Variants in RAC1 observed in about 807,000 individuals in gnomAD.
RAC1 encodes ras-related C3 botulinum toxin substrate 1.
Under a neutral mutation model 25.2 loss-of-function variants are expected in RAC1, and 2 were observed. The observed-to-expected ratio is 0.08, with a 90% CI of 0.03 to 0.25. The LOEUF (loss-of-function observed/expected upper bound fraction) is 0.25, where lower values mean the gene tolerates loss of function less well. Among genes scored for constraint, RAC1 ranks in the 10% least tolerant of loss-of-function variants. RAC1 has a pLI of 1.00. For synonymous variants in RAC1, 88 were observed against 94.0 expected (o/e 0.94, Z 0.37); for missense variants, 50 against 235.7 (o/e 0.21, Z 5.16).
chr7:6,377,957 C>G (rs1309206036), intron 1 of RAC1, among the ~76,000 whole-genome samples: 2 of 152,002 alleles, frequency 1.3e-5, no homozygotes, highest in Non-Finnish European at 1.5e-5. Context: ...CTGCTTTGAC[C>G]CTTTGCCTGG....
intron 1 of RAC1, 113 bp from the exon 2 acceptor site, chr7:6,387,099 G>A: frequency 1.5e-6 from 1 of 654,270 alleles, no homozygotes; most frequent in East Asian, 2.8e-5. Flanking sequence ...TTAATGCTAA[G>A]TATGTGATGT....
In RAC1 at chr7:6,391,910, A is replaced by T. The variant is rs1316226008; in HGVS notation, c.108-14A>T. ...TCTACACCTGTGACTAACCATTTTC[A>T]TTCCATTCTACAGCTTTGACAATTA... On this transcript the variant is annotated splice_polypyrimidine_tract_variant and intron_variant, in intron 2 of 5. Transcript: ENST00000348035. 1 of 1,613,870 alleles carries T rather than the reference A, an allele frequency of 6.2e-7. No individual in the cohort carries two copies. Among genetic ancestry groups the T allele is most frequent in the African/African-American group, 1.3e-5 (1 of 74,894 alleles).
At chr7:6,391,220 CTT>C (rs111691263) in intron 2 of RAC1, among the ~76,000 whole-genome samples, 28 of 144,362 alleles carry the variant, frequency 1.9e-4, no homozygotes, top group South Asian at 6.5e-4. Context: ...TATATTTTTC[CTT>C]TTTTTTTTTT....
intron 3 of RAC1, among the ~76,000 whole-genome samples, chr7:6,394,706 G>A (rs1562467744): frequency 6.6e-6 from 1 of 152,104 alleles, no homozygotes; most frequent in Non-Finnish European, 1.5e-5. Flanking sequence ...TTGAGACAGA[G>A]TTTCGCTCTT....
chr7:6,377,309 A>G (rs73060744), intron 1 of RAC1, among the ~76,000 whole-genome samples: 2 of 152,108 alleles, frequency 1.3e-5, no homozygotes, highest in Non-Finnish European at 2.9e-5. Context: ...AGTGAAATGT[A>G]CCTGGCCAGG....
chr7:6,390,096 C>CCCTT (rs1554263519), intron 2 of RAC1, among the ~76,000 whole-genome samples: 10 of 74,908 alleles, frequency 1.3e-4, no homozygotes, highest in South Asian at 6.6e-4. Flanking sequence ...CCCTCCCTCC[C>CCCTT]TTTTTTTTTT....
chr7:6,385,101 T>C (rs1003521522), intron 1 of RAC1, among the ~76,000 whole-genome samples: 4 of 152,206 alleles, frequency 2.6e-5, no homozygotes, highest in Non-Finnish European at 4.4e-5. Context: ...CCACCATGCC[T>C]GGCCTAAAAA....
At chr7:6,391,501 A>G in intron 2 of RAC1, 1 of 190,498 alleles carries the variant, frequency 5.2e-6, no homozygotes, top group Non-Finnish European at 1.1e-5. Flanking sequence ...CCTTCTGGAA[A>G]CCCTGCAGAG....
chr7:6,383,329 T>C lies in RAC1; in HGVS notation c.36-3883T>C, dbSNP rs34654898. On this transcript the variant is annotated intron_variant, in intron 1 of 5. Coordinates refer to ENST00000348035, the MANE Select transcript of RAC1 (RefSeq NM_006908.5). ...CACTAATAGGAGTGGAATAACCTTT[T>C]TCTTTTACCTATTTGAATAAATTAA... Among the ~76,000 whole-genome samples the C allele has an allele frequency of 6.3e-3, 965 of 152,354 alleles. 8 individuals carry two copies. Among genetic ancestry groups the C allele is most frequent in the Non-Finnish European group, 0.01 (693 of 68,038 alleles).
At position 6,402,941 on chromosome 7, in the gene RAC1, A is replaced by AC. The variant is rs1351770504; in HGVS notation, c.*496dup. 1 of 190,842 alleles carries AC rather than the reference A, an allele frequency of 5.2e-6. No individual in the cohort carries two copies. The highest frequency in any genetic ancestry group is 1.1e-5 in the Non-Finnish European group (1 of 90,888). 11.8% of individuals were successfully genotyped at this position (190,842 alleles called of 1,614,324 possible). A position where few individuals can be genotyped will look rare whatever the true frequency, so the allele number is the denominator to read the frequency against. On this transcript the variant is annotated 3_prime_UTR_variant, in exon 6 of 6. Transcript: ENST00000348035. ...CTCCCGAATGAAGCGTTGCCATTGAACTCACCAGTGAGTTAGCAGCACGTG... is the reference window on the plus strand; with the variant it reads ...CTCCCGAATGAAGCGTTGCCATTGAACCTCACCAGTGAGTTAGCAGCACGTG...
chr7:6,392,192 A>G, intron 3 of RAC1, 151 bp downstream of exon 3: 2 of 1,351,596 alleles, frequency 1.5e-6, no homozygotes, highest in South Asian at 1.5e-5. Context: ...CCATGTAAAC[A>G]TCCCCCTAGA....
At chr7:6,398,597 G>T in intron 3 of RAC1, 3 of 1,367,004 alleles carry the variant, frequency 2.2e-6, no homozygotes, top group African/African-American at 1.4e-5. Context: ...TCGATAAGAG[G>T]TTATATTGAT....
intron 3 of RAC1, among the ~76,000 whole-genome samples, chr7:6,395,164 C>T (rs1367834264): frequency 6.6e-6 from 1 of 152,090 alleles, no homozygotes; most frequent in African/African-American, 2.4e-5. Flanking sequence ...GGGGGTTTCT[C>T]CACTTTGGTC....
At chr7:6,388,202 C>T (rs1469008083) in intron 2 of RAC1, among the ~76,000 whole-genome samples, 1 of 152,044 alleles carries the variant, frequency 6.6e-6, no homozygotes, top group African/African-American at 2.4e-5. Context: ...ATGCACCATC[C>T]TGCAGCTGCT....
At chr7:6,378,076 G>A (rs1043686987) in intron 1 of RAC1, among the ~76,000 whole-genome samples, 1 of 151,978 alleles carries the variant, frequency 6.6e-6, no homozygotes, top group Non-Finnish European at 1.5e-5. Flanking sequence ...ATCATCCCTA[G>A]GGATGGTTCT....
chr7:6,390,704 A>C (rs1249137301), intron 2 of RAC1, among the ~76,000 whole-genome samples: 2 of 151,852 alleles, frequency 1.3e-5, no homozygotes, highest in Non-Finnish European at 2.9e-5. Context: ...ATGCTCTAGT[A>C]TTTTTTTCTA....
intron 4 of RAC1, 162 bp from the exon 5 acceptor site, chr7:6,401,706 G>T: frequency 1.6e-6 from 1 of 629,154 alleles, no homozygotes; most frequent in Non-Finnish European, 2.7e-6. Context: ...TGTTCCTTAT[G>T]GCTCAAGGCT....
chr7:6,394,150 G>A (rs552800484), intron 3 of RAC1, among the ~76,000 whole-genome samples: 1 of 152,120 alleles, frequency 6.6e-6, no homozygotes, highest in Admixed American at 6.5e-5. Flanking sequence ...TCTTATCTAG[G>A]GTGTCCTAAA....
intron 1 of RAC1, among the ~76,000 whole-genome samples, chr7:6,385,484 A>G (rs570447288): frequency 2.2e-4 from 34 of 152,322 alleles, no homozygotes; most frequent in Admixed American, 1.3e-3. Context: ...TTCTGACTCC[A>G]AAGCTTAGGC....
Sources: gnomAD v4.1 joint callset for allele counts (sites outside exome capture counted in the v4.1 genomes callset) on GRCh38, gnomAD v4.1.1 for gene constraint, MANE v1.5 for transcripts, NCBI Gene and HGNC (gene_info 2026-07-23, HGNC 2026-07-21) for gene names.